BCR: variants seen among roughly 807,000 people sequenced by gnomAD.
BCR encodes breakpoint cluster region protein.
BCR carries 58 observed loss-of-function variants against 138.6 expected under a neutral mutation model. The observed-to-expected ratio is 0.42, with a 90% CI of 0.34 to 0.52. The LOEUF is 0.52. BCR is among the 20% of genes least tolerant of loss of function. BCR has a pLI of 0.06. For synonymous variants in BCR, 786 were observed against 730.1 expected (o/e 1.08, Z -1.23); for missense variants, 1,599 against 1,727.2 (o/e 0.93, Z 1.32).
At chr22:23,223,434 A>C (rs2072851819) in intron 1 of BCR, among the ~76,000 whole-genome samples, 1 of 152,126 alleles carries the variant, frequency 6.6e-6, no homozygotes, top group African/African-American at 2.4e-5. Context: ...GGCTTTGTGT[A>C]CATTTCTTAG....
At chr22:23,303,316 G>A (rs955921603) in intron 16 of BCR, among the ~76,000 whole-genome samples, 7 of 152,194 alleles carry the variant, frequency 4.6e-5, no homozygotes, top group Admixed American at 2.6e-4. Context: ...CGTCACAGGG[G>A]ACGTGATGGG....
intron 1 of BCR, among the ~76,000 whole-genome samples, chr22:23,231,999 C>G (rs1230018071): frequency 6.6e-6 from 1 of 152,258 alleles, no homozygotes; most frequent in African/African-American, 2.4e-5. Context: ...TCAGGCCCTG[C>G]CCTGTCTTGT....
intron 9 of BCR, among the ~76,000 whole-genome samples, chr22:23,284,566 G>C (rs568035327): frequency 1.3e-5 from 2 of 152,192 alleles, no homozygotes; most frequent in East Asian, 1.9e-4. Context: ...GGACCAGCAC[G>C]GGGCTCTTTC....
At position 23,180,883 on chromosome 22, in the gene BCR, C is replaced by G. The variant is rs1429876120; in HGVS notation, c.-78C>G. 2 of 788,760 alleles carry G rather than the reference C, an allele frequency of 2.5e-6. No individual in the cohort carries two copies. The highest frequency in any genetic ancestry group is 2.8e-6 in the Non-Finnish European group (2 of 720,330). The allele number at this position is 788,760 out of a possible 1,614,324, so 48.9% of individuals were successfully genotyped here. ...ATGGGGGCCGCCCGGCGCCCGGGGC[C>G]GGGCTGGCGAGGCGCCGCGCCGCCG... On this transcript the variant is annotated 5_prime_UTR_variant, in exon 1 of 23. Coordinates refer to ENST00000305877, the MANE Select transcript of BCR (RefSeq NM_004327.4).
At chr22:23,312,034 A>C (rs2074013662) in intron 19 of BCR, 198 bp downstream of exon 19, 3 of 1,072,876 alleles carry the variant, frequency 2.8e-6, no homozygotes, top group Admixed American at 5.9e-5. Context: ...AAACCATCCT[A>C]GCCATGCATG....
At position 23,295,287 on chromosome 22, in the gene BCR, T is replaced by C. The variant is rs903742103; in HGVS notation, c.3012+132T>C. 1.2e-5 allele frequency: 15 copies of C among 1,203,454 alleles called. No individual in the cohort carries two copies. The Admixed American group carries it at 1.9e-4, about 16-fold the overall frequency. The allele number at this position is 1,203,454 out of a possible 1,614,324, so 74.5% of individuals were successfully genotyped here. Reference sequence around the variant, plus strand: ...GGTGGGCAGCTGTGGCTCTGAAACATCCATCGTGGGAGACCTGAGCCGGTG... The same window carrying C: ...GGTGGGCAGCTGTGGCTCTGAAACACCCATCGTGGGAGACCTGAGCCGGTG... On this transcript the variant is annotated intron_variant, in intron 16 of 22. Coordinates refer to ENST00000305877, the MANE Select transcript of BCR (RefSeq NM_004327.4).
chr22:23,252,435 T>TTC (rs1242826570), intron 1 of BCR, among the ~76,000 whole-genome samples: 4 of 142,188 alleles, frequency 2.8e-5, no homozygotes, highest in African/African-American at 1.1e-4. Flanking sequence ...TTCTTTTCTT[T>TTC]TTTTTTTTTT....
intron 1 of BCR, among the ~76,000 whole-genome samples, chr22:23,226,030 CCTTT>C (rs1298557653): frequency 6.6e-6 from 1 of 152,206 alleles, no homozygotes; most frequent in African/African-American, 2.4e-5. Context: ...CATCCGGCGC[CCTTT>C]CTTTGGGACC....
rs2074083789 is a variant in BCR at position 23,317,360 on chromosome 22, G to A, written c.*1838G>A. 5.4e-6 allele frequency: 1 copy of A among 186,182 alleles called. No homozygotes were observed. Among genetic ancestry groups the A allele is most frequent in the African/African-American group, 2.7e-5 (1 of 37,254 alleles). 11.5% of individuals were successfully genotyped at this position (186,182 alleles called of 1,614,324 possible). On this transcript the variant is annotated 3_prime_UTR_variant, in exon 23 of 23. Transcript: ENST00000305877. ...GTCGTGGGTGGCGAGGACAGAACAG[G>A]AGCCTCTGCTCTCTGTACCTATCTG...
intron 1 of BCR, among the ~76,000 whole-genome samples, chr22:23,185,076 C>T (rs1312087811): frequency 1.3e-5 from 2 of 152,160 alleles, no homozygotes; most frequent in Non-Finnish European, 2.9e-5. Flanking sequence ...TCCCTGGGCA[C>T]GGTGACAAAG....
intron 16 of BCR, among the ~76,000 whole-genome samples, chr22:23,301,574 C>T (rs554991654): frequency 8.5e-5 from 13 of 152,250 alleles, no homozygotes; most frequent in Non-Finnish European, 1.5e-4. Context: ...GATTCAATGT[C>T]CCCTGCTCTG....
intron 1 of BCR, among the ~76,000 whole-genome samples, chr22:23,203,990 C>G (rs915389738): frequency 6.6e-6 from 1 of 152,204 alleles, no homozygotes; most frequent in African/African-American, 2.4e-5. Flanking sequence ...AAACACCTCC[C>G]TGTGCAGGCA....
At position 23,311,626 on chromosome 22, in the gene BCR, T is replaced by G. The variant is rs62219814; in HGVS notation, c.3183-71T>G. ...CACCCCACCTCCGGGTGTGCAGATA[T>G]GGAGCAGGTCTCCTGTGTTATGGCC... On this transcript the variant is annotated intron_variant, in intron 18 of 22. Coordinates refer to ENST00000305877, the MANE Select transcript of BCR (RefSeq NM_004327.4). 1.6e-4 allele frequency: 225 copies of G among 1,381,564 alleles called. 1 individual carries two copies. The highest frequency in any genetic ancestry group is 9.3e-4 in the South Asian group (76 of 81,992). 85.6% of individuals were successfully genotyped at this position (1,381,564 alleles called of 1,614,324 possible).
At position 23,261,489 on chromosome 22, in the gene BCR, C is replaced by G; in HGVS notation, c.1701C>G (p.Arg567=). 6.2e-7 allele frequency: 1 copy of G among 1,613,612 alleles called. No homozygotes were observed. The highest frequency in any genetic ancestry group is 8.5e-7 in the Non-Finnish European group (1 of 1,180,024). Reference sequence around the variant, plus strand: ...AGTTCTATGATGGGCTCTTCCCCCGCGTGCAGCAGTGGAGCCACCAGCAGC... The same window carrying G: ...AGTTCTATGATGGGCTCTTCCCCCGGGTGCAGCAGTGGAGCCACCAGCAGC... ...HKEFYDGLFP[R]VQQWSHQQRV... is the part of the protein sequence containing the mutation. Residue 567 remains arginine, a synonymous_variant, in exon 4 of 23, where the codon CGC becomes CGG. Transcript: ENST00000305877.
chr22:23,295,536 C>T (rs1399892501), intron 16 of BCR, among the ~76,000 whole-genome samples: 1 of 151,956 alleles, frequency 6.6e-6, no homozygotes, highest in East Asian at 1.9e-4. Flanking sequence ...GTCCCAGAGG[C>T]TGCCTGCAAG....
intron 1 of BCR, among the ~76,000 whole-genome samples, chr22:23,211,671 T>C (rs2072685352): frequency 6.6e-6 from 1 of 151,838 alleles, no homozygotes; most frequent in African/African-American, 2.4e-5. Context: ...TTTTGTTTTG[T>C]TTTGTTTTTT....
intron 1 of BCR, among the ~76,000 whole-genome samples, chr22:23,252,979 G>A (rs553500243): frequency 7.7e-4 from 118 of 152,330 alleles, no homozygotes; most frequent in African/African-American, 2.8e-3. Context: ...CTAACGTCAG[G>A]TGTCAGTAGC....
chr22:23,185,646 A>G (rs1223379313), intron 1 of BCR, among the ~76,000 whole-genome samples: 1 of 147,698 alleles, frequency 6.8e-6, no homozygotes, highest in Non-Finnish European at 1.5e-5. Context: ...AGCCTGGGCG[A>G]CAGAGCGAGA....
chr22:23,247,493 G>T (rs192984132), intron 1 of BCR, among the ~76,000 whole-genome samples: 4 of 152,222 alleles, frequency 2.6e-5, no homozygotes, highest in African/African-American at 7.2e-5. Flanking sequence ...CATTGTTCTG[G>T]GTAGGGAGGG....
Sources: allele counts gnomAD v4.1 joint callset (sites outside exome capture counted in the v4.1 genomes callset), GRCh38; gene constraint gnomAD v4.1.1; transcripts MANE v1.5; gene names NCBI Gene and HGNC (gene_info 2026-07-23, HGNC 2026-07-21).